LCORL: variants seen among roughly 807,000 people sequenced by gnomAD.
LCORL encodes the protein ligand-dependent nuclear receptor corepressor-like protein.
A neutral mutation model predicts 141.8 loss-of-function variants in LCORL; 41 were observed. The ratio of observed to expected loss-of-function variants is 0.29; its 90% CI spans 0.23 to 0.38. The LOEUF is 0.38. Ranked by LOEUF, LCORL falls within the 10% of genes least tolerant of loss-of-function variation. LCORL has a pLI of 1.00. For missense variants in LCORL, 1,759 were observed against 2,035.0 expected, an observed-to-expected ratio of 0.86 and a Z score of 2.61; for synonymous variants, 618 against 694.1, an observed-to-expected ratio of 0.89 and a Z score of 1.72.
intron 4 of LCORL, among the ~76,000 whole-genome samples, chr4:17,928,034 T>C (rs1248510924): frequency 6.6e-6 from 1 of 152,122 alleles, no homozygotes; most frequent in Non-Finnish European, 1.5e-5. Context: ...GAGAATCTAG[T>C]AACACATTAA....
chr4:17,971,886 T>C, intron 2 of LCORL, among the ~76,000 whole-genome samples: 1 of 151,764 alleles, frequency 6.6e-6, no homozygotes, highest in East Asian at 1.9e-4. Context: ...AAGAAAATCT[T>C]TTAAGTTACT....
intron 4 of LCORL, among the ~76,000 whole-genome samples, chr4:17,933,974 C>T (rs945764709): frequency 2.6e-5 from 4 of 152,014 alleles, no homozygotes; most frequent in Admixed American, 6.6e-5. Flanking sequence ...TTTTAGCTCA[C>T]CCTTCTCTTC....
chr4:17,909,625 A>C (rs1487916990), intron 4 of LCORL, among the ~76,000 whole-genome samples: 1 of 152,166 alleles, frequency 6.6e-6, no homozygotes, highest in Non-Finnish European at 1.5e-5. Context: ...TAGAAGCGGA[A>C]CAACTTATTC....
intron 6 of LCORL, chr4:17,880,431 C>CT: frequency 1.1e-6 from 1 of 914,034 alleles, no homozygotes. Context: ...GTTTTCTAAC[C>CT]TTTTCCTGTT....
intron 4 of LCORL, among the ~76,000 whole-genome samples, chr4:17,926,694 C>T (rs1175091798): frequency 1.3e-5 from 2 of 152,222 alleles, no homozygotes; most frequent in African/African-American, 4.8e-5. Flanking sequence ...TAATAAACTC[C>T]TTTTCATATA....
chr4:17,905,308 CT>C (rs1381885980), intron 5 of LCORL, among the ~76,000 whole-genome samples: 3 of 151,838 alleles, frequency 2.0e-5, no homozygotes, highest in African/African-American at 7.3e-5. Flanking sequence ...TGTAGAATAA[CT>C]TTTTTTGTAT....
At chr4:17,929,201 C>T (rs1171446143) in intron 4 of LCORL, among the ~76,000 whole-genome samples, 1 of 152,116 alleles carries the variant, frequency 6.6e-6, no homozygotes, top group African/African-American at 2.4e-5. Context: ...GATGGTAATA[C>T]TCCCCAATTT....
intron 4 of LCORL, among the ~76,000 whole-genome samples, chr4:17,926,791 T>G (rs1224711150): frequency 1.3e-5 from 2 of 152,220 alleles, no homozygotes; most frequent in East Asian, 3.8e-4. Flanking sequence ...TAAACAGATG[T>G]GTTGTCATCC....
chr4:17,980,574 C>G (rs1717803793), intron 1 of LCORL, among the ~76,000 whole-genome samples: 1 of 152,212 alleles, frequency 6.6e-6, no homozygotes, highest in Non-Finnish European at 1.5e-5. Flanking sequence ...TTCTACTTAT[C>G]TCTAAAATTA....
chr4:18,004,972 G>C (rs562386648), intron 1 of LCORL, among the ~76,000 whole-genome samples: 2 of 151,998 alleles, frequency 1.3e-5, no homozygotes, highest in Non-Finnish European at 2.9e-5. Flanking sequence ...GCCCAGACTG[G>C]AGTGCAATGA....
intron 1 of LCORL, among the ~76,000 whole-genome samples, 168 bp from the exon 2 acceptor site, chr4:17,973,053 A>G (rs950946448): frequency 6.6e-6 from 1 of 151,876 alleles, no homozygotes; most frequent in African/African-American, 2.4e-5. Context: ...ACAGTCACAC[A>G]ATGACTACCA....
chr4:17,957,549 G>C (rs1184423559), intron 4 of LCORL, among the ~76,000 whole-genome samples: 1 of 151,924 alleles, frequency 6.6e-6, no homozygotes, highest in Non-Finnish European at 1.5e-5. Flanking sequence ...CAAAGGAAGA[G>C]GAGAATCTGG....
exon 7 of LCORL, chr4:17,874,857 G>A: frequency 8.1e-7 from 1 of 1,233,622 alleles, no homozygotes; most frequent in African/African-American, 1.5e-5. Context: ...TTTCATCTTT[G>A]AGTGCCTATG....
intron 4 of LCORL, among the ~76,000 whole-genome samples, chr4:17,910,525 C>T (rs1292383406): frequency 6.6e-6 from 1 of 152,166 alleles, no homozygotes; most frequent in Non-Finnish European, 1.5e-5. Context: ...CTGTCAGAGA[C>T]TGAAGTGGAA....
chr4:17,902,900 T>A (rs1577372432), intron 5 of LCORL, among the ~76,000 whole-genome samples: 1 of 152,048 alleles, frequency 6.6e-6, no homozygotes, highest in Non-Finnish European at 1.5e-5. Flanking sequence ...TCTTGCTAAT[T>A]AAGAGAAAAT....
At chr4:17,978,579 CAA>C (rs202146842) in intron 1 of LCORL, among the ~76,000 whole-genome samples, 54 of 125,118 alleles carry the variant, frequency 4.3e-4, no homozygotes, top group African/African-American at 7.3e-4. Context: ...GACCTTGTCT[CAA>C]AAAAAAAAAA....
intron 1 of LCORL, among the ~76,000 whole-genome samples, chr4:17,986,731 CT>C (rs200182859): frequency 4.7e-5 from 7 of 149,720 alleles, no homozygotes; most frequent in African/African-American, 9.8e-5. Flanking sequence ...TCTCAATGAT[CT>C]TTTTTTTTTC....
At chr4:17,985,157 C>T (rs911641696) in intron 1 of LCORL, among the ~76,000 whole-genome samples, 1 of 151,948 alleles carries the variant, frequency 6.6e-6, no homozygotes, top group African/African-American at 2.4e-5. Context: ...GGTTCTTCTG[C>T]ATTTGCTGAG....
intron 5 of LCORL, among the ~76,000 whole-genome samples, chr4:17,892,756 T>C (rs1289239354): frequency 6.6e-6 from 1 of 152,200 alleles, no homozygotes; most frequent in Non-Finnish European, 1.5e-5. Context: ...AGACTTATTG[T>C]AATTCTTTTT....
Sources: allele counts gnomAD v4.1 joint callset (sites outside exome capture counted in the v4.1 genomes callset), GRCh38; gene constraint gnomAD v4.1.1; transcripts MANE v1.5; gene names NCBI Gene and HGNC (gene_info 2026-07-23, HGNC 2026-07-21).